FAHD2B: variants seen among roughly 807,000 people sequenced by gnomAD.
FAHD2B encodes the protein oxaloacetate tautomerase FAHD2B, mitochondrial.
In FAHD2B, 26 loss-of-function variants were observed where a neutral mutation model predicts 33.7. The observed-to-expected ratio is 0.77, with a 90% confidence interval of 0.57 to 1.07. FAHD2B has a LOEUF of 1.07. Ranked by LOEUF, FAHD2B falls within the 50% of genes least tolerant of loss-of-function variation. The pLI, the probability that FAHD2B is intolerant of heterozygous loss-of-function variation, is 0.00. For missense variants in FAHD2B, 272 were observed against 388.1 expected, an observed-to-expected ratio of 0.70 and a Z score of 2.51; for synonymous variants, 108 against 150.9, an observed-to-expected ratio of 0.72 and a Z score of 2.08.
downstream of FAHD2B, among the ~76,000 whole-genome samples, chr2:97,079,335 G>A (rs1444333251): frequency 6.6e-6 from 1 of 152,026 alleles, no homozygotes; most frequent in Non-Finnish European, 1.5e-5. Context: ...CTAGGTCTTT[G>A]AGGAATCATC....
At position 97,091,943 on chromosome 2, in the gene FAHD2B, T is replaced by TC. The variant is rs1281243842; in HGVS notation, c.-88dup. On this transcript the variant is annotated 5_prime_UTR_variant, in exon 2 of 9. Transcript: ENST00000414820. Reference sequence around the variant, plus strand: ...CAGTAAGTCCCAGGGATTCCAGCGTTCCTTCAACCAGTGCTTTCTGAAAGT... The same window carrying TC: ...CAGTAAGTCCCAGGGATTCCAGCGTTCCCTTCAACCAGTGCTTTCTGAAAGT... 4.1e-6 allele frequency: 2 copies of TC among 486,792 alleles called. No individual in the cohort carries two copies. Among genetic ancestry groups the TC allele is most frequent in the African/African-American group, 3.8e-5 (2 of 52,188 alleles). The allele number at this position is 486,792 out of a possible 1,614,324, so 30.2% of individuals were successfully genotyped here.
intron 4 of FAHD2B, among the ~76,000 whole-genome samples, chr2:97,087,917 C>T (rs2032094605): frequency 6.6e-6 from 1 of 151,808 alleles, no homozygotes; most frequent in Admixed American, 6.6e-5. Flanking sequence ...TCTGGGACCA[C>T]TGACATGAGC....
At chr2:97,087,777 A>C (rs1370744660) in intron 4 of FAHD2B, among the ~76,000 whole-genome samples, 1 of 152,204 alleles carries the variant, frequency 6.6e-6, no homozygotes, top group East Asian at 1.9e-4. Context: ...CTTGGATGAG[A>C]ATCTATGGGG....
At position 97,083,728 on chromosome 2, in the gene FAHD2B, T is replaced by A. The variant is rs772272580; in HGVS notation, c.*27A>T. ...GGCTGAGTGGGAGCAGATGCCCTCA[T>A]CCTATGTCGGGCCTGTGCAGGAGCC... On this transcript the variant is annotated 3_prime_UTR_variant, in exon 9 of 9. Coordinates refer to ENST00000414820, the MANE Select transcript of FAHD2B (RefSeq NM_001320848.2). 13 of 1,614,034 alleles carry A rather than the reference T, an allele frequency of 8.1e-6. No individual in the cohort carries two copies. The highest frequency in any genetic ancestry group is 1.1e-5 in the Non-Finnish European group (13 of 1,180,028).
chr2:97,082,479 G>T, downstream of FAHD2B: 1 of 1,612,768 alleles, frequency 6.2e-7, no homozygotes, highest in Admixed American at 1.7e-5. Flanking sequence ...GTCTCAACCA[G>T]TCAGCCCAGG....
intron 4 of FAHD2B, among the ~76,000 whole-genome samples, chr2:97,089,127 G>A (rs1295389405): frequency 1.3e-5 from 2 of 151,912 alleles, no homozygotes; most frequent in Non-Finnish European, 2.9e-5. Context: ...TGTGTAAGTT[G>A]CTCTTACAAT....
downstream of FAHD2B, among the ~76,000 whole-genome samples, chr2:97,079,041 TA>T (rs1361553843): frequency 1.3e-5 from 2 of 152,122 alleles, no homozygotes; most frequent in African/African-American, 4.8e-5. Context: ...GTTCCTGCAT[TA>T]GTTTGCTAAG....
chr2:97,084,367 G>A lies in FAHD2B; in HGVS notation c.686-90C>T, dbSNP rs1432399542. The A allele has an allele frequency of 3.4e-6, 5 of 1,486,486 alleles. No individual in the cohort carries two copies. The African/African-American group carries it at 6.9e-5, about 21-fold the overall frequency. The allele number at this position is 1,486,486 out of a possible 1,614,324, so 92.1% of individuals were successfully genotyped here. A position where few individuals can be genotyped will look rare whatever the true frequency, so the allele number is the denominator to read the frequency against. The stretch of plus-strand genomic sequence containing the variant: ...AAACACAACTGTAGGGGCGCTTCGT[G>A]ACTTGGCAGGTGAAAGGGCTTTAAA... On this transcript the variant is annotated intron_variant, in intron 6 of 8. Transcript: ENST00000414820.
chr2:97,088,534 C>CT (rs2032138199), intron 4 of FAHD2B, among the ~76,000 whole-genome samples: 1 of 152,176 alleles, frequency 6.6e-6, no homozygotes, highest in African/African-American at 2.4e-5. Context: ...TGAGGCTTCT[C>CT]TAGCCACGTG....
At chr2:97,089,842 C>T (rs1316816283) in intron 4 of FAHD2B, 2 of 551,002 alleles carry the variant, frequency 3.6e-6, no homozygotes, top group Admixed American at 3.2e-5. Flanking sequence ...TATTCCGAGC[C>T]ATGGGCAGTG....
At chr2:97,083,841 G>A in intron 8 of FAHD2B, 24 bp from the exon 9 acceptor site, 1 of 1,614,042 alleles carries the variant, frequency 6.2e-7, no homozygotes, top group South Asian at 1.1e-5. Flanking sequence ...GGCCATGACG[G>A]TGTCAGCCCT....
At chr2:97,083,364 A>C (rs1174205532), downstream of FAHD2B, 8 of 1,488,256 alleles carry the variant, frequency 5.4e-6, no homozygotes, top group Non-Finnish European at 7.2e-6. Flanking sequence ...CTGCTCTATA[A>C]ATATAATCAT....
At position 97,094,870 on chromosome 2, in the gene FAHD2B, G is replaced by A. The variant is rs1241483797; in HGVS notation, c.-302C>T. The A allele has an allele frequency of 1.5e-5, 2 of 134,360 alleles. No individual in the cohort carries two copies. The highest frequency in any genetic ancestry group is 7.7e-5 in the Admixed American group (1 of 13,068). The allele number at this position is 134,360 out of a possible 1,614,324, so 8.3% of individuals were successfully genotyped here. On this transcript the variant is annotated 5_prime_UTR_variant, in exon 1 of 9. Transcript: ENST00000414820. ...CTCGGTGCGCACTCCAGCGAGAAGC[G>A]GGCGCGTCCTGTGACGTCACAGGCA...
rs142670995 is a variant in FAHD2B, at chr2:97,087,363, T to C, written c.463-1165A>G. 1.6e-3 allele frequency among the ~76,000 whole-genome samples: 241 copies of C among 152,172 alleles called. 1 individual carries two copies. The highest frequency in any genetic ancestry group is 5.5e-3 in the African/African-American group (227 of 41,560). ...AATGTGTCTGGCCAGGCTTTTTTCA[T>C]AGAAGAATGCCAGCTAACAAAAACT... is the stretch of plus-strand genomic sequence containing the variant. On this transcript the variant is annotated intron_variant, in intron 4 of 8. Coordinates refer to ENST00000414820, the MANE Select transcript of FAHD2B (RefSeq NM_001320848.2).
At chr2:97,084,773 C>A (rs2031854753) in intron 6 of FAHD2B, among the ~76,000 whole-genome samples, 1 of 151,788 alleles carries the variant, frequency 6.6e-6, no homozygotes, top group African/African-American at 2.4e-5. Flanking sequence ...ATTAGTCAGG[C>A]GTGGTGGTGC....
At chr2:97,080,982 T>C (rs2031621723), downstream of FAHD2B, 2 of 908,018 alleles carry the variant, frequency 2.2e-6, no homozygotes, top group Admixed American at 7.7e-5. Context: ...TAAGAAGCTT[T>C]GGGGGCTGGG....
chr2:97,081,343 C>G, downstream of FAHD2B: 1 of 1,561,996 alleles, frequency 6.4e-7, no homozygotes, highest in Non-Finnish European at 8.6e-7. Flanking sequence ...TCTGAAACCT[C>G]CTGGGTGGTA....
rs145225257 is a variant in FAHD2B at position 97,086,134 on chromosome 2, C to T, written c.522+5G>A. ...TGGCCTGGGAGCCCACCCTTTCCAC[C>T]TCACCTTGATGTGCTTGCCTTTCTT... On this transcript the variant is annotated splice_donor_5th_base_variant and intron_variant, in intron 5 of 8. Transcript: ENST00000414820. 9.7e-4 allele frequency: 1,567 copies of T among 1,612,602 alleles called. 7 individuals are homozygous for T. Among genetic ancestry groups the T allele is most frequent in the Non-Finnish European group, 1.0e-3 (1,217 of 1,179,348 alleles).
intron 4 of FAHD2B, among the ~76,000 whole-genome samples, chr2:97,088,160 A>T (rs1388582865): frequency 6.6e-6 from 1 of 152,150 alleles, no homozygotes; most frequent in African/African-American, 2.4e-5. Context: ...GAAACCCATC[A>T]TTCATTTCTG....
Sources: gnomAD v4.1 joint callset for allele counts (sites outside exome capture counted in the v4.1 genomes callset) on GRCh38, gnomAD v4.1.1 for gene constraint, MANE v1.5 for transcripts, NCBI Gene and HGNC (gene_info 2026-07-23, HGNC 2026-07-21) for gene names.